Variants in DCC observed in about 807,000 individuals in gnomAD.
DCC encodes the protein DCC netrin 1 receptor.
A neutral mutation model predicts 172.5 loss-of-function variants in DCC; 58 were observed. That is an observed-to-expected ratio of 0.34 (90% confidence interval 0.27 to 0.42). The LOEUF (loss-of-function observed/expected upper bound fraction) is 0.42. Among genes scored for constraint, DCC ranks in the 10% least tolerant of loss-of-function variants. DCC has a pLI of 1.00. For missense variants in DCC, 1,740 were observed against 1,791.0 expected, an observed-to-expected ratio of 0.97 and a Z score of 0.51; for synonymous variants, 709 against 644.5, an observed-to-expected ratio of 1.10 and a Z score of -1.52.
intron 9 of DCC, among the ~76,000 whole-genome samples, chr18:53,201,786 A>G (rs1005600717): frequency 9.9e-5 from 15 of 152,178 alleles, no homozygotes; most frequent in African/African-American, 1.4e-4. Flanking sequence ...TTTGGAACAT[A>G]GAGCTTTTTC....
chr18:53,318,867 G>A (rs1332354868), intron 13 of DCC, among the ~76,000 whole-genome samples: 1 of 151,776 alleles, frequency 6.6e-6, no homozygotes, highest in Admixed American at 6.6e-5. Flanking sequence ...AGAGAGGAAG[G>A]TCAAGTTATC....
intron 1 of DCC, among the ~76,000 whole-genome samples, chr18:52,352,836 A>G (rs1598854938): frequency 6.6e-6 from 1 of 152,188 alleles, no homozygotes; most frequent in Non-Finnish European, 1.5e-5. Context: ...GGGTCTTTCT[A>G]CTCCAAGTGT....
At chr18:53,503,295 T>A (rs2046127133) in intron 27 of DCC, among the ~76,000 whole-genome samples, 1 of 152,222 alleles carries the variant, frequency 6.6e-6, no homozygotes, top group Non-Finnish European at 1.5e-5. Flanking sequence ...AACAGATTCA[T>A]TTCCTCAATT....
intron 1 of DCC, among the ~76,000 whole-genome samples, chr18:52,625,699 G>A (rs901598245): frequency 6.6e-5 from 10 of 152,142 alleles, no homozygotes; most frequent in African/African-American, 2.4e-4. Context: ...CATCTTGAAA[G>A]AGCTGAGCTG....
chr18:53,104,785 T>C (rs2043221127), intron 7 of DCC, among the ~76,000 whole-genome samples: 1 of 151,990 alleles, frequency 6.6e-6, no homozygotes, highest in Admixed American at 6.6e-5. Context: ...TGACTTCTGG[T>C]TCAGTGATCT....
intron 22 of DCC, 113 bp downstream of exon 22, chr18:53,435,322 G>T (rs944864817): frequency 1.4e-6 from 1 of 717,062 alleles, no homozygotes; most frequent in Admixed American, 2.0e-5. Flanking sequence ...CTTGGATTTA[G>T]TGTCTTAGTG....
intron 7 of DCC, among the ~76,000 whole-genome samples, chr18:53,083,070 A>G (rs2042828911): frequency 6.6e-6 from 1 of 151,942 alleles, no homozygotes; most frequent in Non-Finnish European, 1.5e-5. Flanking sequence ...CCAAGTCATT[A>G]TTGGCCAGAA....
At chr18:52,947,352 C>T (rs1202035194) in intron 5 of DCC, among the ~76,000 whole-genome samples, 2 of 152,202 alleles carry the variant, frequency 1.3e-5, no homozygotes, top group African/African-American at 4.8e-5. Flanking sequence ...TAGTCAACTC[C>T]TTATATTGTC....
intron 2 of DCC, among the ~76,000 whole-genome samples, chr18:52,847,969 T>C (rs2038920761): frequency 1.3e-5 from 2 of 152,156 alleles, no homozygotes; most frequent in Non-Finnish European, 1.5e-5. Context: ...AGTTTGTGCC[T>C]ATTGATTATT....
chr18:52,862,735 C>A (rs1354108528), intron 2 of DCC, among the ~76,000 whole-genome samples: 2 of 151,776 alleles, frequency 1.3e-5, no homozygotes, highest in Non-Finnish European at 2.9e-5. Flanking sequence ...AAAAAAAATT[C>A]AAAAATCAAA....
At chr18:52,652,737 T>TGTGTGTGTGG (rs971665914) in intron 1 of DCC, among the ~76,000 whole-genome samples, 9 of 151,712 alleles carry the variant, frequency 5.9e-5, no homozygotes, top group East Asian at 1.9e-4. Flanking sequence ...TGTGTGTGTG[T>TGTGTGTGTGG]GTGGGTGGAG....
intron 2 of DCC, among the ~76,000 whole-genome samples, chr18:52,764,709 G>A (rs779432823): frequency 1.1e-4 from 17 of 152,026 alleles, no homozygotes; most frequent in Non-Finnish European, 2.4e-4. Flanking sequence ...AAAGCCAAAT[G>A]AACGTTTTTT....
At chr18:52,774,881 T>C (rs963081579) in intron 2 of DCC, among the ~76,000 whole-genome samples, 1 of 152,220 alleles carries the variant, frequency 6.6e-6, no homozygotes, top group African/African-American at 2.4e-5. Context: ...ATCCTCACTT[T>C]ACTTAGTAAC....
At chr18:52,794,188 C>T (rs762867607) in intron 2 of DCC, among the ~76,000 whole-genome samples, 5 of 151,904 alleles carry the variant, frequency 3.3e-5, no homozygotes, top group African/African-American at 7.3e-5. Flanking sequence ...TTGAGAACGT[C>T]GTTGGTATTT....
rs1417617811 is a variant in DCC, at chr18:53,428,034, CAT to C, written c.3164-7106_3164-7105del. Among the ~76,000 whole-genome samples the C allele has an allele frequency of 1.9e-4, 8 of 41,606 alleles. 1 individual carries two copies. In the South Asian group the frequency reaches 4.6e-3, roughly 24 times the overall value. 27.3% of individuals were successfully genotyped at this position (41,606 alleles called of 152,430 possible). A position where few individuals can be genotyped will look rare whatever the true frequency, so the allele number is the denominator to read the frequency against. On this transcript the variant is annotated intron_variant, in intron 21 of 28. Transcript: ENST00000442544. ...AATACTATAATAATATAGAATATAT[CAT>C]ATAATAATATATTATAATAATGTGT...
intron 28 of DCC, among the ~76,000 whole-genome samples, chr18:53,529,584 T>C (rs1183552294): frequency 6.6e-6 from 1 of 152,294 alleles, no homozygotes; most frequent in East Asian, 1.9e-4. Context: ...AAGACAAACT[T>C]GTTATTCTCA....
intron 1 of DCC, among the ~76,000 whole-genome samples, chr18:52,407,098 G>T (rs1986679926): frequency 2.0e-5 from 3 of 151,788 alleles, no homozygotes; most frequent in Non-Finnish European, 4.4e-5. Flanking sequence ...GAAACATTTG[G>T]TGGCACAATT....
chr18:53,340,023 T>A, intron 15 of DCC, 116 bp downstream of exon 15: 1 of 818,986 alleles, frequency 1.2e-6, no homozygotes, highest in Non-Finnish European at 2.0e-6. Flanking sequence ...CAGCATGTAT[T>A]AGCTCTGAAA....
chr18:52,816,453 A>G (rs1003356469), intron 2 of DCC, among the ~76,000 whole-genome samples: 4 of 152,212 alleles, frequency 2.6e-5, no homozygotes, highest in Non-Finnish European at 5.9e-5. Flanking sequence ...GTGGCGGAGC[A>G]CTGAATAGTA....
Sources: allele counts gnomAD v4.1 joint callset (sites outside exome capture counted in the v4.1 genomes callset), GRCh38; gene constraint gnomAD v4.1.1; transcripts MANE v1.5; gene names NCBI Gene and HGNC (gene_info 2026-07-23, HGNC 2026-07-21).